The following SLC25A24 variants were observed in gnomAD, a reference collection of about 807,000 sequenced individuals.
The protein encoded by SLC25A24 is mitochondrial adenyl nucleotide antiporter SLC25A24.
In SLC25A24, 49 loss-of-function variants were observed where a neutral mutation model predicts 60.7. That is an observed-to-expected ratio of 0.81 (90% CI 0.64 to 1.02). SLC25A24 has a LOEUF of 1.02. Ranked by LOEUF, SLC25A24 falls within the 50% of genes least tolerant of loss-of-function variation. SLC25A24 has a pLI of 0.00. For missense variants in SLC25A24, 564 were observed against 586.3 expected (o/e 0.96, Z 0.39); for synonymous variants, 202 against 200.6 (o/e 1.01, Z -0.06).
intron 8 of SLC25A24, among the ~76,000 whole-genome samples, chr1:108,142,030 A>T (rs1165582661): frequency 3.3e-5 from 5 of 152,218 alleles, no homozygotes; most frequent in Non-Finnish European, 7.3e-5. Flanking sequence ...ACAATTTTTT[A>T]AAAAACTCAG....
chr1:108,141,816 T>C (rs1230110806), intron 8 of SLC25A24, among the ~76,000 whole-genome samples: 1 of 152,134 alleles, frequency 6.6e-6, no homozygotes, highest in Non-Finnish European at 1.5e-5. Flanking sequence ...GTAGTCAAAC[T>C]CATAAAACGA....
intron 3 of SLC25A24, among the ~76,000 whole-genome samples, chr1:108,180,161 C>T (rs1317529537): frequency 6.6e-6 from 1 of 151,670 alleles, no homozygotes; most frequent in Non-Finnish European, 1.5e-5. Flanking sequence ...GTCAGGAGTT[C>T]GAGACAAGCC....
chr1:108,192,601 A>T lies in SLC25A24; in HGVS notation c.184-6647T>A, dbSNP rs756685047. 4.7e-6 allele frequency: 7 copies of T among 1,497,280 alleles called. 2 individuals carry two copies. In the East Asian group the frequency reaches 8.3e-5, roughly 18 times the overall value. The allele number at this position is 1,497,280 out of a possible 1,614,324, so 92.7% of individuals were successfully genotyped here. On this transcript the variant is annotated intron_variant, in intron 1 of 9. Transcript: ENST00000565488. ...TGTTATAGTCCAGGTACCAAAAGAG[A>T]TCTCCGTAGAGGGAGTCCATCGAGG...
chr1:108,191,196 G>A lies in SLC25A24; in HGVS notation c.184-5242C>T, dbSNP rs768534284. On this transcript the variant is annotated intron_variant, in intron 1 of 9. Transcript: ENST00000565488. Reference sequence around the variant, plus strand: ...TCTGTCACCCAGGTTGGAGTGCAGTGATGCAATCTCAGCTTGCTGCAACCT... The same window carrying A: ...TCTGTCACCCAGGTTGGAGTGCAGTAATGCAATCTCAGCTTGCTGCAACCT... 2.2e-4 allele frequency among the ~76,000 whole-genome samples: 30 copies of A among 138,182 alleles called. 6 individuals carry two copies. Among genetic ancestry groups the A allele is most frequent in the Non-Finnish European group, 3.5e-4 (22 of 63,322 alleles). 90.7% of individuals were successfully genotyped at this position (138,182 alleles called of 152,430 possible).
At chr1:108,144,798 T>C (rs1679542187) in intron 7 of SLC25A24, among the ~76,000 whole-genome samples, 1 of 152,264 alleles carries the variant, frequency 6.6e-6, no homozygotes, top group Non-Finnish European at 1.5e-5. Context: ...CCATGGTGTA[T>C]ATGTGCCATA....
At chr1:108,160,355 G>A (rs1465729374) in intron 4 of SLC25A24, among the ~76,000 whole-genome samples, 1 of 150,616 alleles carries the variant, frequency 6.6e-6, no homozygotes, top group Non-Finnish European at 1.5e-5. Context: ...TTTCCAGACT[G>A]GGCAGCCAGG....
intron 8 of SLC25A24, among the ~76,000 whole-genome samples, chr1:108,141,223 C>A (rs1360858093): frequency 6.6e-6 from 1 of 152,120 alleles, no homozygotes; most frequent in Non-Finnish European, 1.5e-5. Context: ...ATAAATGGGT[C>A]ACTTTACCAG....
At position 108,199,961 on chromosome 1, in the gene SLC25A24, C is replaced by T. The variant is rs945193847; in HGVS notation, c.178G>A (p.Glu60Lys). Residue 60 changes from glutamate to lysine, a missense_variant, in exon 1 of 10, where the codon GAG becomes AAG. Coordinates refer to ENST00000565488, the MANE Select transcript of SLC25A24 (RefSeq NM_013386.5). ...NLGIPLGQDA[E>K]EKIFTTGDVN... ...GCGCCCCGGCGGCGACCCACCTCCT[C>T]GGCGTCCTGGCCCAGAGGGATGCCC... The T allele has an allele frequency of 6.2e-7, 1 of 1,604,560 alleles. No homozygotes were observed. The highest frequency in any genetic ancestry group is 8.5e-7 in the Non-Finnish European group (1 of 1,176,294).
chr1:108,181,314 TATC>T (rs1420366130), intron 3 of SLC25A24, among the ~76,000 whole-genome samples: 1 of 152,214 alleles, frequency 6.6e-6, no homozygotes, highest in Non-Finnish European at 1.5e-5. Flanking sequence ...TGTTTTACGT[TATC>T]ATAAAAAATC....
intron 4 of SLC25A24, among the ~76,000 whole-genome samples, chr1:108,160,126 G>A (rs1680019959): frequency 6.6e-6 from 1 of 152,026 alleles, no homozygotes; most frequent in Non-Finnish European, 1.5e-5. Flanking sequence ...CGGACAGGGT[G>A]GCTGCCGGGC....
chr1:108,184,532 GAGTTT>G lies in SLC25A24; in HGVS notation c.310+1291_310+1295del, dbSNP rs753651740. On this transcript the variant is annotated intron_variant, in intron 2 of 9. Transcript: ENST00000565488. ...TGTGAATAATCTTCAAAATCATCTA[GAGTTT>G]AGTTTGTTTGTTTGAAGGAACTTGC... is the stretch of plus-strand genomic sequence containing the variant. 3.3e-5 allele frequency among the ~76,000 whole-genome samples: 5 copies of G among 152,202 alleles called. No individual in the cohort carries two copies. In the South Asian group the frequency reaches 6.2e-4, roughly 19 times the overall value.
chr1:108,175,679 G>C (rs1460012423), intron 3 of SLC25A24, among the ~76,000 whole-genome samples: 1 of 151,714 alleles, frequency 6.6e-6, no homozygotes, highest in Non-Finnish European at 1.5e-5. Context: ...GACAGAGCAA[G>C]ACCCTTTCTC....
At chr1:108,157,271 C>T (rs1422044597) in intron 5 of SLC25A24, among the ~76,000 whole-genome samples, 191 bp downstream of exon 5, 1 of 152,150 alleles carries the variant, frequency 6.6e-6, no homozygotes, top group Non-Finnish European at 1.5e-5. Flanking sequence ...CATGTACTAA[C>T]AATTTAAGGT....
At chr1:108,196,827 A>G (rs995727376) in intron 1 of SLC25A24, among the ~76,000 whole-genome samples, 25 of 152,318 alleles carry the variant, frequency 1.6e-4, no homozygotes, top group African/African-American at 5.8e-4. Context: ...AGATGGGGGT[A>G]GAAGGAGGAA....
chr1:108,183,200 G>C (rs1193534264), intron 2 of SLC25A24, among the ~76,000 whole-genome samples: 1 of 145,492 alleles, frequency 6.9e-6, no homozygotes, highest in Non-Finnish European at 1.5e-5. Context: ...CTTTCTTGGA[G>C]AAAGGACCCT....
chr1:108,168,679 C>T (rs1023896692), intron 3 of SLC25A24, among the ~76,000 whole-genome samples: 1 of 152,076 alleles, frequency 6.6e-6, no homozygotes, highest in African/African-American at 2.4e-5. Flanking sequence ...TGTCTTTGCC[C>T]GTTTTTCTAA....
chr1:108,153,591 C>A (rs569124470), intron 6 of SLC25A24, among the ~76,000 whole-genome samples: 57 of 152,212 alleles, frequency 3.7e-4, no homozygotes, highest in Non-Finnish European at 6.9e-4. Flanking sequence ...GATGAATGGA[C>A]CTTCAGCAGG....
At chr1:108,171,499 G>C (rs915167692) in intron 3 of SLC25A24, among the ~76,000 whole-genome samples, 3 of 152,140 alleles carry the variant, frequency 2.0e-5, no homozygotes, top group Non-Finnish European at 4.4e-5. Flanking sequence ...GAAACACTGT[G>C]TGACCCATTC....
chr1:108,195,633 T>C (rs1168948076), intron 1 of SLC25A24, among the ~76,000 whole-genome samples: 1 of 152,200 alleles, frequency 6.6e-6, no homozygotes, highest in African/African-American at 2.4e-5. Context: ...TGCCCTAAAA[T>C]TCACCCTGTG....
Sources: gnomAD v4.1 joint callset for allele counts (sites outside exome capture counted in the v4.1 genomes callset) on GRCh38, gnomAD v4.1.1 for gene constraint, MANE v1.5 for transcripts, NCBI Gene and HGNC (gene_info 2026-07-23, HGNC 2026-07-21) for gene names.